PDE8A: variants seen among roughly 807,000 people sequenced by gnomAD.
PDE8A encodes high affinity cAMP-specific and IBMX-insensitive 3',5'-cyclic phosphodiesterase 8A.
In PDE8A, 59 loss-of-function variants were observed where a neutral mutation model predicts 105.0. That is an observed-to-expected ratio of 0.56 (90% CI 0.46 to 0.70). PDE8A has a LOEUF of 0.70. PDE8A is among the 30% of genes least tolerant of loss of function. The pLI is 0.00. For missense variants in PDE8A, 1,014 were observed against 1,045.9 expected (o/e 0.97, Z 0.42); for synonymous variants, 355 against 371.9 (o/e 0.95, Z 0.52).
At chr15:85,040,258 T>C (rs1181880366) in intron 1 of PDE8A, among the ~76,000 whole-genome samples, 1 of 150,650 alleles carries the variant, frequency 6.6e-6, no homozygotes, top group Non-Finnish European at 1.5e-5. Flanking sequence ...GCCTGGGCAA[T>C]ATAGCAAGAC....
intron 20 of PDE8A, among the ~76,000 whole-genome samples, chr15:85,129,413 C>G (rs932770154): frequency 6.6e-6 from 1 of 152,162 alleles, no homozygotes; most frequent in Non-Finnish European, 1.5e-5. Context: ...AATCTCCTTG[C>G]TAGTCATTGG....
chr15:85,123,124 G>T lies in PDE8A; in HGVS notation c.2016G>T (p.Lys672Asn), dbSNP rs776965821. Residue 672 changes from lysine to asparagine, a missense_variant, in exon 19 of 22, where the codon AAG (lysine) becomes AAT (asparagine). By Grantham distance (94) the Lys-to-Asn change is moderately conservative. Coordinates refer to ENST00000394553, the MANE Select transcript of PDE8A (RefSeq NM_002605.3). ...IDMVLATEMTKHFEHVNKFVN... is the reference protein window; with the variant it reads ...IDMVLATEMTNHFEHVNKFVN... ...TGGTCTTAGCCACAGAAATGACAAA[G>T]CACTTTGAGCATGTCAACAAATTTG... 1 of 1,613,792 alleles carries T rather than the reference G, an allele frequency of 6.2e-7. No individual in the cohort carries two copies. Among genetic ancestry groups the T allele is most frequent in the Non-Finnish European group, 8.5e-7 (1 of 1,179,818 alleles).
intron 1 of PDE8A, among the ~76,000 whole-genome samples, chr15:85,034,698 A>G (rs2080674004): frequency 6.6e-6 from 1 of 152,210 alleles, no homozygotes; most frequent in South Asian, 2.1e-4. Context: ...GCAGGAGAAG[A>G]AAATATTTTA....
At chr15:85,134,719 A>C (rs2082379564) in intron 20 of PDE8A, among the ~76,000 whole-genome samples, 1 of 152,170 alleles carries the variant, frequency 6.6e-6, no homozygotes, top group Non-Finnish European at 1.5e-5. Context: ...TGTGCTAGGT[A>C]TGGTGCCATC....
chr15:85,067,385 T>C (rs1384376461), intron 3 of PDE8A, among the ~76,000 whole-genome samples, 181 bp downstream of exon 3: 1 of 152,230 alleles, frequency 6.6e-6, no homozygotes, highest in South Asian at 2.1e-4. Flanking sequence ...TTTGTCTTGC[T>C]TCACTTTACT....
intron 8 of PDE8A, among the ~76,000 whole-genome samples, chr15:85,092,875 A>G (rs1389688384): frequency 2.0e-5 from 3 of 152,122 alleles, no homozygotes; most frequent in African/African-American, 7.2e-5. Context: ...ATTGTGAGCA[A>G]GGAATAGGAA....
At chr15:85,094,584 C>T (rs2081708861) in intron 8 of PDE8A, among the ~76,000 whole-genome samples, 2 of 152,214 alleles carry the variant, frequency 1.3e-5, no homozygotes, top group Admixed American at 1.3e-4. Context: ...CTCCCAAAAA[C>T]CCAATCTCTC....
At chr15:85,050,096 C>G (rs2080949153) in intron 1 of PDE8A, among the ~76,000 whole-genome samples, 1 of 151,954 alleles carries the variant, frequency 6.6e-6, no homozygotes, top group Non-Finnish European at 1.5e-5. Flanking sequence ...TGCTTATTGG[C>G]CCTTTCTTTT....
rs1288256061 is a variant in PDE8A, at chr15:85,089,359, T to G, written c.657T>G (p.Thr219=). 2.5e-6 allele frequency: 4 copies of G among 1,586,746 alleles called. No individual in the cohort carries two copies. In the East Asian group the frequency reaches 9.0e-5, roughly 36 times the overall value. The change falls in exon 7 of 22, where the codon ACT becomes ACG. Residue 219 remains threonine (T), a synonymous_variant. Transcript: ENST00000394553. ...AAAGGGCTTGTAACTCAGTATTCAC[T>G]GCATTAGAAAACAGTGAAGATGCAA... ...LKLRACNSVF[T]ALENSEDAIE...
intron 1 of PDE8A, among the ~76,000 whole-genome samples, chr15:85,005,729 A>G (rs1288133490): frequency 6.6e-6 from 1 of 152,226 alleles, no homozygotes; most frequent in African/African-American, 2.4e-5. Flanking sequence ...TCCTCTCAGA[A>G]TATGGAGGAC....
chr15:85,011,587 G>C (rs576011141), intron 1 of PDE8A, among the ~76,000 whole-genome samples: 1 of 152,240 alleles, frequency 6.6e-6, no homozygotes, highest in African/African-American at 2.4e-5. Context: ...AAAAATAATG[G>C]TTTTCCTAGA....
chr15:85,107,715 T>C (rs1045166469), intron 11 of PDE8A, among the ~76,000 whole-genome samples: 4 of 152,126 alleles, frequency 2.6e-5, no homozygotes, highest in African/African-American at 9.7e-5. Flanking sequence ...AATGAATTCA[T>C]TTGCAGTGCC....
chr15:85,057,378 C>T (rs1439322746), intron 1 of PDE8A, among the ~76,000 whole-genome samples: 2 of 152,318 alleles, frequency 1.3e-5, no homozygotes, highest in East Asian at 3.9e-4. Flanking sequence ...TTTCTGCTGC[C>T]TTTTGTTCAG....
intron 1 of PDE8A, among the ~76,000 whole-genome samples, chr15:85,022,017 G>A (rs2080434586): frequency 6.6e-6 from 1 of 152,130 alleles, no homozygotes; most frequent in African/African-American, 2.4e-5. Context: ...TATCTTATGG[G>A]GAAGTATTTT....
At chr15:85,058,564 T>C (rs2081098070) in intron 1 of PDE8A, among the ~76,000 whole-genome samples, 1 of 152,216 alleles carries the variant, frequency 6.6e-6, no homozygotes. Context: ...TTTTGATTAC[T>C]GATTCAGTCT....
chr15:85,123,813 AGTGCAAAAAC>A (rs901474197), intron 19 of PDE8A, among the ~76,000 whole-genome samples: 4 of 152,224 alleles, frequency 2.6e-5, no homozygotes, highest in African/African-American at 9.6e-5. Flanking sequence ...AATTATTTAA[AGTGCAAAAAC>A]TTGGCAGGAA....
At chr15:85,013,868 C>G (rs1317580854) in intron 1 of PDE8A, among the ~76,000 whole-genome samples, 1 of 152,096 alleles carries the variant, frequency 6.6e-6, no homozygotes, top group Non-Finnish European at 1.5e-5. Flanking sequence ...CAAGTTAGTG[C>G]AGGATGTTTT....
At chr15:85,129,678 T>C (rs1258719270) in intron 20 of PDE8A, among the ~76,000 whole-genome samples, 1 of 152,198 alleles carries the variant, frequency 6.6e-6, no homozygotes, top group Non-Finnish European at 1.5e-5. Context: ...GGTTTTGTTT[T>C]TTTCTGTTCT....
At chr15:85,058,149 TGTC>T (rs1377834930) in intron 1 of PDE8A, among the ~76,000 whole-genome samples, 6 of 152,184 alleles carry the variant, frequency 3.9e-5, no homozygotes, top group Non-Finnish European at 7.4e-5. Context: ...GGCACAGTCT[TGTC>T]TCACTGCAGC....
Sources: gnomAD v4.1 joint callset for allele counts (sites outside exome capture counted in the v4.1 genomes callset) on GRCh38, gnomAD v4.1.1 for gene constraint, MANE v1.5 for transcripts, NCBI Gene and HGNC (gene_info 2026-07-23, HGNC 2026-07-21) for gene names.